The following FOLR1 variants were observed in gnomAD, a reference collection of about 807,000 sequenced individuals.
The protein encoded by FOLR1 is KB cells FBP.
In FOLR1, 11 loss-of-function variants were observed where a neutral mutation model predicts 22.8. The observed-to-expected ratio is 0.48, with a 90% confidence interval of 0.30 to 0.80. The LOEUF is 0.80. FOLR1 is among the 30% of genes least tolerant of loss of function. The pLI is 0.06. For synonymous variants in FOLR1, 108 were observed against 116.5 expected (o/e 0.93, Z 0.47); for missense variants, 273 against 320.3 (o/e 0.85, Z 1.13).
chr11:72,195,390 C>T lies in FOLR1; in HGVS notation c.288C>T (p.Cys96=), dbSNP rs1287784869. Residue 96 remains cysteine, a synonymous_variant, in exon 2 of 4, where the codon TGC becomes TGT. Coordinates refer to ENST00000393676, the MANE Select transcript of FOLR1 (RefSeq NM_016729.3). The part of the protein sequence containing the change: ...WNHCGEMAPA[C]KRHFIQDTCL... Reference sequence around the variant, plus strand: ...ACTGTGGAGAGATGGCACCTGCCTGCAAACGGCATTTCATCCAGGACACCT... The same window carrying T: ...ACTGTGGAGAGATGGCACCTGCCTGTAAACGGCATTTCATCCAGGACACCT... The T allele has an allele frequency of 1.2e-6, 2 of 1,614,112 alleles. No homozygotes were observed.
chr11:72,195,568 G>A (rs762186998), intron 2 of FOLR1, 44 bp from the exon 3 acceptor site: 1 of 1,613,988 alleles, frequency 6.2e-7, no homozygotes, highest in South Asian at 1.1e-5. Context: ...TGAGTTGCTG[G>A]GATTCTTGAA....
chr11:72,194,421 A>G (rs574564857), intron 1 of FOLR1, among the ~76,000 whole-genome samples: 33 of 152,016 alleles, frequency 2.2e-4, no homozygotes, highest in African/African-American at 6.8e-4. Flanking sequence ...ATTTTTTGAG[A>G]TGGAGTCTTG....
At chr11:72,190,626 C>T (rs7109250), upstream of FOLR1, 5,853 of 152,216 alleles carry the variant, frequency 0.038, 213 homozygotes, top group African/African-American at 0.093. Context: ...CAGATTTCTC[C>T]GGCGTGGCCC....
chr11:72,194,735 A>G (rs1340985124), intron 1 of FOLR1, among the ~76,000 whole-genome samples: 1 of 152,090 alleles, frequency 6.6e-6, no homozygotes, highest in Non-Finnish European at 1.5e-5. Flanking sequence ...GGGTTTCACC[A>G]TGTTGGCCAG....
intron 1 of FOLR1, among the ~76,000 whole-genome samples, chr11:72,193,756 G>A (rs951915324): frequency 2.0e-5 from 3 of 150,504 alleles, no homozygotes; most frequent in African/African-American, 4.9e-5. Context: ...CACTGCGCCC[G>A]GCCTTAAGTG....
At chr11:72,190,625 C>T (rs1210792450), upstream of FOLR1, 1 of 152,186 alleles carries the variant, frequency 6.6e-6, no homozygotes, top group Non-Finnish European at 1.5e-5. Context: ...ACAGATTTCT[C>T]CGGCGTGGCC....
chr11:72,191,683 T>C (rs1565363657), upstream of FOLR1, among the ~76,000 whole-genome samples: 1 of 152,210 alleles, frequency 6.6e-6, no homozygotes, highest in Non-Finnish European at 1.5e-5. Flanking sequence ...ACTTTTACAA[T>C]GAAGTAATTT....
chr11:72,195,949 C>G lies in FOLR1; in HGVS notation c.546C>G (p.Phe182Leu). Residue 182 changes from phenylalanine (F) to leucine (L), a missense_variant, in exon 4 of 4, where the codon TTC becomes TTG. Transcript: ENST00000393676. Reference sequence around the variant, plus strand: ...CCTGCCAACCTTTCCATTTCTACTTCCCCACACCCACTGTTCTGTGCAATG... The same window carrying G: ...CCTGCCAACCTTTCCATTTCTACTTGCCCACACCCACTGTTCTGTGCAATG... Reference protein sequence around the residue: ...GAACQPFHFYFPTPTVLCNEI... With the variant: ...GAACQPFHFYLPTPTVLCNEI... 6 of 1,614,238 alleles carry G rather than the reference C, an allele frequency of 3.7e-6. No homozygotes were observed. The highest frequency in any genetic ancestry group is 5.1e-6 in the Non-Finnish European group (6 of 1,180,046).
chr11:72,194,694 C>T (rs1015061428), intron 1 of FOLR1, among the ~76,000 whole-genome samples: 3 of 152,270 alleles, frequency 2.0e-5, no homozygotes, highest in South Asian at 2.1e-4. Context: ...CCACCGCACC[C>T]GGCCTAATTT....
intron 2 of FOLR1, 25 bp downstream of exon 2, chr11:72,195,484 A>G: frequency 6.2e-7 from 1 of 1,613,888 alleles, no homozygotes; most frequent in Non-Finnish European, 8.5e-7. Context: ...CTGCAGGTAC[A>G]AGACCTAGCG....
intron 3 of FOLR1, 42 bp downstream of exon 3, chr11:72,195,789 G>C: frequency 6.2e-7 from 1 of 1,614,220 alleles, no homozygotes; most frequent in Non-Finnish European, 8.5e-7. Flanking sequence ...TTTGGAAGTG[G>C]AGGTGTGTGG....
rs1948212921 is a variant in FOLR1, at chr11:72,195,333, T to C, written c.231T>C (p.Asp77=). 1 of 1,614,088 alleles carries C rather than the reference T, an allele frequency of 6.2e-7. No homozygotes were observed. Among genetic ancestry groups the C allele is most frequent in the Non-Finnish European group, 8.5e-7 (1 of 1,180,022 alleles). The change falls in exon 2 of 4, where the codon GAT becomes GAC. Residue 77 remains aspartate (D), a synonymous_variant. Coordinates refer to ENST00000393676, the MANE Select transcript of FOLR1 (RefSeq NM_016729.3). ...STNTSQEAHK[D]VSYLYRFNWN... ...ACACCAGCCAGGAAGCCCATAAGGA[T>C]GTTTCCTACCTATATAGATTCAACT...
chr11:72,193,985 TGTTGGCCA>T (rs1430051859), intron 1 of FOLR1, among the ~76,000 whole-genome samples: 1 of 152,130 alleles, frequency 6.6e-6, no homozygotes, highest in Non-Finnish European at 1.5e-5. Context: ...GGTTTTGCCA[TGTTGGCCA>T]GGCTGGTCTC....
chr11:72,194,929 C>T (rs765899454), intron 1 of FOLR1, among the ~76,000 whole-genome samples: 4 of 152,242 alleles, frequency 2.6e-5, no homozygotes, highest in Non-Finnish European at 4.4e-5. Flanking sequence ...AGTCCCCATC[C>T]GTCTCTGCTT....
intron 1 of FOLR1, among the ~76,000 whole-genome samples, chr11:72,193,771 T>TTTTA (rs57593168): frequency 0.014 from 2,088 of 148,056 alleles, 19 homozygotes; most frequent in African/African-American, 0.036. Context: ...TAAGTGCACA[T>TTTTA]TTTATTTATT....
chr11:72,195,380 C>A lies in FOLR1; in HGVS notation c.278C>A (p.Ala93Glu). 1 of 1,614,218 alleles carries A rather than the reference C, an allele frequency of 6.2e-7. No homozygotes were observed. The highest frequency in any genetic ancestry group is 8.5e-7 in the Non-Finnish European group (1 of 1,180,036). Residue 93 changes from alanine (A) to glutamate (E), a missense_variant, in exon 2 of 4, where the codon GCA (alanine) becomes GAA (glutamate). Coordinates refer to ENST00000393676, the MANE Select transcript of FOLR1 (RefSeq NM_016729.3). ...RFNWNHCGEM[A>E]PACKRHFIQD... ...AACTGGAACCACTGTGGAGAGATGG[C>A]ACCTGCCTGCAAACGGCATTTCATC...
rs1351275854 is a variant in FOLR1 at position 72,196,219 on chromosome 11, C to T, written c.*42C>T. The T allele has an allele frequency of 2.5e-6, 4 of 1,609,488 alleles. No individual in the cohort carries two copies. The highest frequency in any genetic ancestry group is 2.6e-6 in the Non-Finnish European group (3 of 1,176,202). On this transcript the variant is annotated 3_prime_UTR_variant, in exon 4 of 4. Transcript: ENST00000393676. ...GATACCTGGAAATCCCTGCCCTGTT[C>T]AGCCCCACAGCTCCCAACTATTTGG...
upstream of FOLR1, chr11:72,189,870 G>T (rs1033997408): frequency 6.6e-6 from 1 of 152,348 alleles, no homozygotes; most frequent in African/African-American, 2.4e-5. Flanking sequence ...GAAGGCCAGA[G>T]AATCTTGAAG....
In FOLR1 at chr11:72,196,277, C is replaced by T; in HGVS notation, c.*100C>T. On this transcript the variant is annotated 3_prime_UTR_variant, in exon 4 of 4. Transcript: ENST00000393676. ...TCCATGGTCGGGCCTCTGACAGCCA[C>T]TTTGAATAAACCAGACACCGCACAT... 8.0e-7 allele frequency: 1 copy of T among 1,242,776 alleles called. No homozygotes were observed. Among genetic ancestry groups the T allele is most frequent in the African/African-American group, 1.5e-5 (1 of 67,762 alleles). 77.0% of individuals were successfully genotyped at this position (1,242,776 alleles called of 1,614,324 possible).
Sources: gnomAD v4.1 joint callset for allele counts (sites outside exome capture counted in the v4.1 genomes callset) on GRCh38, gnomAD v4.1.1 for gene constraint, MANE v1.5 for transcripts, NCBI Gene and HGNC (gene_info 2026-07-23, HGNC 2026-07-21) for gene names.